SYNE3: variants seen among roughly 807,000 people sequenced by gnomAD.
SYNE3 encodes the protein spectrin repeat containing nuclear envelope family member 3, also known as nesprin-3.
A neutral mutation model predicts 111.2 loss-of-function variants in SYNE3; 100 were observed. The observed-to-expected ratio is 0.90, with a 90% CI of 0.77 to 1.06. The LOEUF is 1.06. SYNE3 is among the 50% of genes least tolerant of loss of function. The pLI, the probability that SYNE3 is intolerant of heterozygous loss-of-function variation, is 0.00. For missense variants in SYNE3, 1,160 were observed against 1,240.3 expected (o/e 0.94, Z 0.97); for synonymous variants, 547 against 533.9 (o/e 1.02, Z -0.34).
intron 1 of SYNE3, among the ~76,000 whole-genome samples, chr14:95,511,094 G>C (rs911679): frequency 0.24 from 36,358 of 152,168 alleles, 4,810 homozygotes; most frequent in African/African-American, 0.36. Context: ...TTCCACTCCC[G>C]CTCTGGATGA....
intron 6 of SYNE3, 144 bp from the exon 7 acceptor site, chr14:95,452,527 T>C: frequency 2.0e-6 from 2 of 1,000,910 alleles, no homozygotes; most frequent in Non-Finnish European, 1.4e-6. Flanking sequence ...GGCCCCACTC[T>C]TGAGCTCAGC....
In SYNE3 at chr14:95,473,692, C is replaced by CCGGTGTGAGCTTGCGAGGTGTGACAG. The variant is rs1888680661; in HGVS notation, c.144+1985_144+1986insCTGTCACACCTCGCAAGCTCACACCG. ...GGTGTGACAGTGGCTGGAGCTAAGG[C>CCGGTGTGAGCTTGCGAGGTGTGACAG]TGGTGTGAGCTTGCGAGGTGTGACA... is the stretch of plus-strand genomic sequence containing the variant. On this transcript the variant is annotated intron_variant, in intron 2 of 17. Coordinates refer to ENST00000682763, the MANE Select transcript of SYNE3 (RefSeq NM_152592.6). Among the ~76,000 whole-genome samples, 6 of 147,538 alleles carry CCGGTGTGAGCTTGCGAGGTGTGACAG rather than the reference C, an allele frequency of 4.1e-5. 1 individual carries two copies. Among genetic ancestry groups the CCGGTGTGAGCTTGCGAGGTGTGACAG allele is most frequent in the South Asian group, 2.1e-4 (1 of 4,708 alleles).
chr14:95,452,525 T>C, intron 6 of SYNE3, 142 bp from the exon 7 acceptor site: 1 of 1,035,996 alleles, frequency 9.7e-7, no homozygotes, highest in Non-Finnish European at 1.3e-6. Flanking sequence ...GGGGCCCCAC[T>C]CTTGAGCTCA....
intron 10 of SYNE3, chr14:95,443,686 G>T (rs556192314): frequency 6.3e-6 from 1 of 158,158 alleles, no homozygotes; most frequent in Non-Finnish European, 1.4e-5. Context: ...TCACTCTGTC[G>T]CCCAGGCTGG....
At chr14:95,466,528 G>A (rs1888189636) in intron 3 of SYNE3, among the ~76,000 whole-genome samples, 1 of 152,160 alleles carries the variant, frequency 6.6e-6, no homozygotes, top group Non-Finnish European at 1.5e-5. Context: ...ACCAGTTTTG[G>A]GGATGCATCT....
At position 95,481,686 on chromosome 14, in the gene SYNE3, G is replaced by T. The variant is rs182086277; in HGVS notation, c.-14-5851C>A. Among the ~76,000 whole-genome samples, 571 of 152,346 alleles carry T rather than the reference G, an allele frequency of 3.7e-3. 6 individuals carry two copies. Among genetic ancestry groups the T allele is most frequent in the Non-Finnish European group, 3.4e-3 (229 of 68,030 alleles). On this transcript the variant is annotated intron_variant, in intron 1 of 17. Coordinates refer to ENST00000682763, the MANE Select transcript of SYNE3 (RefSeq NM_152592.6). ...GGGGTCAGCTCTCCTGTGACCCAGGGCAGAGCAGAGGACGGGGAGAAATAG... is the reference window on the plus strand; with the variant it reads ...GGGGTCAGCTCTCCTGTGACCCAGGTCAGAGCAGAGGACGGGGAGAAATAG...
chr14:95,475,684 C>A lies in SYNE3; in HGVS notation c.138G>T (p.Glu46Asp). The change falls in exon 2 of 18, where the codon GAG (glutamate) becomes GAT (aspartate). Residue 46 changes from glutamate (E) to aspartate (D), a missense_variant. Physicochemically the swap from Glu to Asp is conservative, Grantham distance 45 (BLOSUM62 2). Coordinates refer to ENST00000682763, the MANE Select transcript of SYNE3 (RefSeq NM_152592.6). ...AGGCCACGCCTCTGCATACCTCGGT[C>A]TCCCACAGCCTGGCCTCCAGGGCCG... ...PRAALEARLW[E>D]TEKICQLEPE... is the part of the protein sequence containing the mutation. 6.4e-7 allele frequency: 1 copy of A among 1,559,614 alleles called. No homozygotes were observed. The highest frequency in any genetic ancestry group is 8.6e-7 in the Non-Finnish European group (1 of 1,156,294).
chr14:95,489,094 C>T (rs1889707188), intron 1 of SYNE3, among the ~76,000 whole-genome samples: 1 of 152,234 alleles, frequency 6.6e-6, no homozygotes. Flanking sequence ...ACTTGGCCAA[C>T]AGGGACCTGC....
At chr14:95,425,566 C>A (rs964102755) in intron 17 of SYNE3, among the ~76,000 whole-genome samples, 3 of 152,176 alleles carry the variant, frequency 2.0e-5, no homozygotes, top group African/African-American at 7.2e-5. Context: ...TTGTACAATA[C>A]CAAGAGTTGG....
chr14:95,499,585 A>G (rs908035829), intron 1 of SYNE3, among the ~76,000 whole-genome samples: 1 of 152,132 alleles, frequency 6.6e-6, no homozygotes, highest in African/African-American at 2.4e-5. Context: ...AGTACCCATG[A>G]GGTATTTGTA....
chr14:95,449,335 T>G, intron 8 of SYNE3: 1 of 719,960 alleles, frequency 1.4e-6, no homozygotes, highest in Non-Finnish European at 1.7e-6. Context: ...CAATGAGATG[T>G]GAGGGGAGTG....
intron 1 of SYNE3, among the ~76,000 whole-genome samples, chr14:95,506,657 C>T (rs570144701): frequency 6.6e-6 from 1 of 152,320 alleles, no homozygotes; most frequent in South Asian, 2.1e-4. Flanking sequence ...CTAAGGAGCA[C>T]CCAAGGAAAA....
At chr14:95,454,507 A>T (rs1477410264) in intron 6 of SYNE3, among the ~76,000 whole-genome samples, 1 of 152,216 alleles carries the variant, frequency 6.6e-6, no homozygotes, top group African/African-American at 2.4e-5. Context: ...ACTGTGCCAC[A>T]CCACCTCCAA....
In SYNE3 at chr14:95,411,328, A is replaced by AAT. The variant is rs1566949254; in HGVS notation, c.*6497_*6498insAT. ...CTAATTTTAACATAAATTCAAAAAA[A>AAT]AAAAAAGAAAAAAGAAAAGGAGACC... On this transcript the variant is annotated 3_prime_UTR_variant, in exon 18 of 18. Transcript: ENST00000682763. 1 of 151,706 alleles carries AAT rather than the reference A, an allele frequency of 6.6e-6. No homozygotes were observed. The highest frequency in any genetic ancestry group is 1.5e-5 in the Non-Finnish European group (1 of 67,932). The allele number at this position is 151,706 out of a possible 1,614,324, so 9.4% of individuals were successfully genotyped here. A position where few individuals can be genotyped will look rare whatever the true frequency, so the allele number is the denominator to read the frequency against.
In SYNE3 at chr14:95,418,020, G is replaced by A. The variant is rs370277221; in HGVS notation, c.2734C>T (p.Arg912Trp). 2.2e-5 allele frequency: 35 copies of A among 1,608,708 alleles called. No homozygotes were observed. In the East Asian group the frequency reaches 4.0e-4, roughly 18 times the overall value. Residue 912 changes from arginine (R) to tryptophan (W), a missense_variant, in exon 18 of 18, where the codon CGG becomes TGG. Transcript: ENST00000682763. ...AAGAGGGAGCCCAGTCCTCGCCACC[G>A]CCGAGTCTGCGGAACCAACACAGCA... Reference protein sequence around the residue: ...GEPTGFQKTRRWRGLGSLFRR... With the variant: ...GEPTGFQKTRWWRGLGSLFRR...
chr14:95,439,300 C>T, intron 13 of SYNE3, 138 bp from the exon 14 acceptor site: 1 of 1,300,380 alleles, frequency 7.7e-7, no homozygotes, highest in Non-Finnish European at 1.1e-6. Context: ...GTTCCTGAGG[C>T]ATGCTCACAT....
Position 95,455,724 on chromosome 14 carries a change from C to T in SYNE3, c.790G>A (p.Asp264Asn). 1 of 1,613,778 alleles carries T rather than the reference C, an allele frequency of 6.2e-7. No homozygotes were observed. The highest frequency in any genetic ancestry group is 8.5e-7 in the Non-Finnish European group (1 of 1,179,974). Residue 264 changes from aspartate to asparagine, a missense_variant and splice_region_variant, in exon 6 of 18, where the codon GAC becomes AAC. Transcript: ENST00000682763. ...CCCCTGGGAAAATCTTTGGCAATGT[C>T]CTGAAGAGGGTAGAGGGGTGAGGGA... is the stretch of plus-strand genomic sequence containing the variant. ...PITQRLSTLQ[D>N]IAKDFPRGEE...
chr14:95,468,633 T>A (rs773792730), intron 2 of SYNE3, among the ~76,000 whole-genome samples: 20 of 152,236 alleles, frequency 1.3e-4, no homozygotes, highest in Non-Finnish European at 2.4e-4. Context: ...AGATGGCCCC[T>A]CCTGACCCTG....
intron 11 of SYNE3, among the ~76,000 whole-genome samples, chr14:95,442,648 G>A (rs947279931): frequency 6.6e-6 from 1 of 152,156 alleles, no homozygotes; most frequent in Admixed American, 6.5e-5. Flanking sequence ...CCTACTGCTG[G>A]AAGGGGACTG....
Sources: allele counts gnomAD v4.1 joint callset (sites outside exome capture counted in the v4.1 genomes callset), GRCh38; gene constraint gnomAD v4.1.1; transcripts MANE v1.5; gene names NCBI Gene and HGNC (gene_info 2026-07-23, HGNC 2026-07-21).